Variants in GSG1L observed in about 807,000 individuals in gnomAD.
GSG1L encodes the protein GSG1 like.
A neutral mutation model predicts 42.1 loss-of-function variants in GSG1L; 24 were observed. The ratio of observed to expected loss-of-function variants is 0.57; its 90% CI spans 0.41 to 0.80. The LOEUF is 0.80. Among genes scored for constraint, GSG1L ranks in the 30% least tolerant of loss-of-function variants. The probability of loss-of-function intolerance (pLI) is 0.00; values close to 1 mark genes in which losing one functional copy is unlikely to be tolerated. For missense variants in GSG1L, 445 were observed against 472.2 expected (o/e 0.94, Z 0.53); for synonymous variants, 215 against 203.5 (o/e 1.06, Z -0.48).
intron 1 of GSG1L, among the ~76,000 whole-genome samples, chr16:28,004,518 T>C (rs946933911): frequency 2.7e-5 from 4 of 149,732 alleles, no homozygotes; most frequent in Admixed American, 6.7e-5. Context: ...CTTACACTTA[T>C]AATCCTAGGG....
chr16:27,920,339 A>G (rs2084509626), intron 2 of GSG1L, among the ~76,000 whole-genome samples: 1 of 152,142 alleles, frequency 6.6e-6, no homozygotes, highest in African/African-American at 2.4e-5. Context: ...CCCCACTTGG[A>G]CCTGAGTTGT....
chr16:27,935,944 C>T (rs1475941091), intron 2 of GSG1L, among the ~76,000 whole-genome samples: 4 of 150,042 alleles, frequency 2.7e-5, no homozygotes, highest in Middle Eastern at 3.4e-3. Context: ...TGCCTAGCAA[C>T]CCGATCCGTA....
intron 2 of GSG1L, among the ~76,000 whole-genome samples, chr16:27,959,875 A>AT: frequency 6.6e-6 from 1 of 152,354 alleles, no homozygotes; most frequent in East Asian, 1.9e-4. Context: ...AGGAATCCGG[A>AT]TAAAAAATGG....
chr16:28,003,225 A>G (rs1364318779), intron 1 of GSG1L, among the ~76,000 whole-genome samples: 1 of 152,204 alleles, frequency 6.6e-6, no homozygotes, highest in African/African-American at 2.4e-5. Flanking sequence ...TAAAAGCGCT[A>G]TCTGGAGGCT....
At chr16:27,870,239 A>C (rs373156584) in intron 3 of GSG1L, among the ~76,000 whole-genome samples, 228 of 72,888 alleles carry the variant, frequency 3.1e-3, no homozygotes, top group Middle Eastern at 0.012. Context: ...GTCTCTCTCC[A>C]TCTCTCTCTG....
intron 5 of GSG1L, among the ~76,000 whole-genome samples, chr16:27,827,694 C>T (rs1391842248): frequency 6.6e-6 from 1 of 152,170 alleles, no homozygotes; most frequent in African/African-American, 2.4e-5. Flanking sequence ...GGGAGGAGTT[C>T]TGCCTAAGGA....
At chr16:27,803,793 A>ATATATATATATATATAAT (rs1567460435) in intron 6 of GSG1L, among the ~76,000 whole-genome samples, 40 of 56,068 alleles carry the variant, frequency 7.1e-4, no homozygotes, top group African/African-American at 2.8e-3. Flanking sequence ...ATATATATAT[A>ATATATATATATATATAAT]TAGATAGATA....
intron 2 of GSG1L, among the ~76,000 whole-genome samples, chr16:27,898,602 A>C (rs2084218957): frequency 1.3e-5 from 2 of 149,122 alleles, no homozygotes; most frequent in African/African-American, 2.5e-5. Flanking sequence ...TCTCCACTTG[A>C]CCTTAGCCAA....
intron 1 of GSG1L, among the ~76,000 whole-genome samples, chr16:28,004,099 G>A (rs2085609899): frequency 6.6e-6 from 1 of 152,200 alleles, no homozygotes; most frequent in African/African-American, 2.4e-5. Context: ...ACAGCAGGGT[G>A]GAGGGGGCAG....
chr16:27,874,648 T>C (rs1254421370), intron 3 of GSG1L, among the ~76,000 whole-genome samples: 1 of 151,984 alleles, frequency 6.6e-6, no homozygotes, highest in African/African-American at 2.4e-5. Context: ...GAACACATGA[T>C]GTGTTGGAGG....
chr16:27,958,259 G>T (rs868819495), intron 2 of GSG1L, among the ~76,000 whole-genome samples: 4 of 151,796 alleles, frequency 2.6e-5, no homozygotes, highest in Admixed American at 2.6e-4. Context: ...ACAAAAATTA[G>T]CCAGCTATGG....
intron 5 of GSG1L, among the ~76,000 whole-genome samples, chr16:27,812,312 C>T (rs1415892476): frequency 2.6e-5 from 4 of 152,072 alleles, no homozygotes; most frequent in African/African-American, 9.7e-5. Context: ...AAGTTTCAGG[C>T]CAGGAGGATA....
At chr16:28,002,093 G>A (rs1049184357) in intron 1 of GSG1L, among the ~76,000 whole-genome samples, 2 of 152,228 alleles carry the variant, frequency 1.3e-5, no homozygotes, top group Non-Finnish European at 2.9e-5. Flanking sequence ...GAAGCACTGA[G>A]GATTCAGTGG....
chr16:27,934,449 C>T (rs13332900), intron 2 of GSG1L, among the ~76,000 whole-genome samples: 5,075 of 152,178 alleles, frequency 0.033, 296 homozygotes, highest in African/African-American at 0.12. Context: ...GTAGGAGAAT[C>T]GCTTGAACCT....
At chr16:28,052,131 G>T (rs1390734039) in intron 1 of GSG1L, among the ~76,000 whole-genome samples, 1 of 151,930 alleles carries the variant, frequency 6.6e-6, no homozygotes, top group Non-Finnish European at 1.5e-5. Context: ...AGTCAAAGAT[G>T]ACTCCAAGGT....
At chr16:27,815,568 T>C (rs1374379107) in intron 5 of GSG1L, among the ~76,000 whole-genome samples, 1 of 152,170 alleles carries the variant, frequency 6.6e-6, no homozygotes, top group Non-Finnish European at 1.5e-5. Context: ...TGGGGATGCT[T>C]GGTGTGAAAC....
At chr16:27,945,083 A>C (rs563250438) in intron 2 of GSG1L, among the ~76,000 whole-genome samples, 1 of 151,482 alleles carries the variant, frequency 6.6e-6, no homozygotes, top group Admixed American at 6.6e-5. Context: ...TCTCAAAAAA[A>C]AAAAAAAAAA....
intron 3 of GSG1L, among the ~76,000 whole-genome samples, chr16:27,873,633 C>A (rs1464629740): frequency 6.6e-6 from 1 of 152,120 alleles, no homozygotes; most frequent in Admixed American, 6.5e-5. Context: ...GAAAACATCG[C>A]AAAATTCTGA....
intron 5 of GSG1L, among the ~76,000 whole-genome samples, chr16:27,827,739 G>A: frequency 6.6e-6 from 1 of 152,222 alleles, no homozygotes; most frequent in African/African-American, 2.4e-5. Context: ...AATTCATCCA[G>A]CCAGCCTTCT....
Sources: allele counts gnomAD v4.1 joint callset (sites outside exome capture counted in the v4.1 genomes callset), GRCh38; gene constraint gnomAD v4.1.1; transcripts MANE v1.5; gene names NCBI Gene and HGNC (gene_info 2026-07-23, HGNC 2026-07-21).